Variants in UBE2D2 observed in about 807,000 individuals in gnomAD.
UBE2D2 encodes ubiquitin-conjugating enzyme E2 D2.
A neutral mutation model predicts 24.2 loss-of-function variants in UBE2D2; 2 were observed. The observed-to-expected ratio is 0.08, with a 90% CI of 0.03 to 0.26. The LOEUF (loss-of-function observed/expected upper bound fraction) is 0.26. Ranked by LOEUF, UBE2D2 falls within the 10% of genes least tolerant of loss-of-function variation. The probability of loss-of-function intolerance (pLI) is 1.00; values close to 1 mark genes in which losing one functional copy is unlikely to be tolerated. For synonymous variants in UBE2D2, 58 were observed against 56.5 expected, an observed-to-expected ratio of 1.03 and a Z score of -0.12; for missense variants, 44 against 177.6, an observed-to-expected ratio of 0.25 and a Z score of 4.28.
chr5:139,593,089 G>A (rs755784285), intron 1 of UBE2D2, among the ~76,000 whole-genome samples: 17 of 145,540 alleles, frequency 1.2e-4, no homozygotes, highest in Non-Finnish European at 2.1e-4. Context: ...TCCGCCTCCC[G>A]GGTTCAAGTA....
intron 5 of UBE2D2, among the ~76,000 whole-genome samples, chr5:139,619,254 G>A (rs959862145): frequency 2.0e-5 from 3 of 151,994 alleles, no homozygotes; most frequent in South Asian, 2.1e-4. Context: ...AAATTAGCAG[G>A]GCAGGGTGGT....
In UBE2D2 at chr5:139,561,726, G is replaced by A; in HGVS notation, c.-66G>A. 2 of 1,300,518 alleles carry A rather than the reference G, an allele frequency of 1.5e-6. No homozygotes were observed. Among genetic ancestry groups the A allele is most frequent in the Non-Finnish European group, 2.1e-6 (2 of 970,218 alleles). 80.6% of individuals were successfully genotyped at this position (1,300,518 alleles called of 1,614,324 possible). ...CGCCGAGGCGGCCTCAGGCTCCCTA[G>A]CCCCTTCCCCGTCCCTTCCCCGCCC... is the stretch of plus-strand genomic sequence containing the variant. On this transcript the variant is annotated 5_prime_UTR_variant, in exon 1 of 7. Coordinates refer to ENST00000398733, the MANE Select transcript of UBE2D2 (RefSeq NM_003339.3).
At chr5:139,529,898 TG>T (rs1407802291) in intron 1 of UBE2D2, among the ~76,000 whole-genome samples, 1 of 152,186 alleles carries the variant, frequency 6.6e-6, no homozygotes, top group Non-Finnish European at 1.5e-5. Context: ...ATGTTATGTC[TG>T]TGGAGGAACT....
chr5:139,613,836 G>A (rs1004290587), intron 2 of UBE2D2, among the ~76,000 whole-genome samples: 6 of 152,090 alleles, frequency 3.9e-5, no homozygotes, highest in African/African-American at 1.2e-4. Context: ...AGGCTGAGGT[G>A]GGTGGATCAT....
At chr5:139,548,193 A>AAATAAATAAATAAATAAAT (rs1752862660) in intron 1 of UBE2D2, among the ~76,000 whole-genome samples, 5 of 47,100 alleles carry the variant, frequency 1.1e-4, no homozygotes, top group East Asian at 6.6e-4. Context: ...ATAAAAAAAA[A>AAATAAATAAATAAATAAAT]AAATAAATAA....
chr5:139,595,858 T>A (rs1483429388), intron 1 of UBE2D2, among the ~76,000 whole-genome samples: 1 of 151,182 alleles, frequency 6.6e-6, no homozygotes, highest in Non-Finnish European at 1.5e-5. Flanking sequence ...ATTTATTAAC[T>A]AGTTTCTTGT....
At chr5:139,601,305 A>C (rs1388155722) in intron 2 of UBE2D2, among the ~76,000 whole-genome samples, 1 of 152,184 alleles carries the variant, frequency 6.6e-6, no homozygotes, top group Non-Finnish European at 1.5e-5. Flanking sequence ...ACTAATTCAC[A>C]AAAAACTGTA....
intron 1 of UBE2D2, among the ~76,000 whole-genome samples, chr5:139,587,709 G>A (rs1204152473): frequency 1.3e-5 from 2 of 150,188 alleles, no homozygotes; most frequent in Admixed American, 6.7e-5. Context: ...CCAGAAGAGT[G>A]CGGTTGCAAG....
upstream of UBE2D2, among the ~76,000 whole-genome samples, chr5:139,557,009 A>AT (rs1285163472): frequency 2.3e-4 from 34 of 146,258 alleles, no homozygotes; most frequent in East Asian, 6.8e-3. Flanking sequence ...TAATTTTTGT[A>AT]TTTTTAGTAG....
intron 1 of UBE2D2, among the ~76,000 whole-genome samples, chr5:139,572,096 C>G (rs999283989): frequency 6.6e-6 from 1 of 152,146 alleles, no homozygotes; most frequent in Non-Finnish European, 1.5e-5. Context: ...CTAATGATTA[C>G]TTAATTGCCA....
Position 139,588,664 on chromosome 5 carries a change from A to G in UBE2D2, c.25-11708A>G, listed in dbSNP as rs148620869. 2.2e-3 allele frequency among the ~76,000 whole-genome samples: 340 copies of G among 152,360 alleles called. 2 individuals are homozygous for G. Among genetic ancestry groups the G allele is most frequent in the African/African-American group, 7.7e-3 (320 of 41,590 alleles). ...GAAAAATCTTTTTTACCTAGAGAAAATATTGTAATCCAAAAATTAAGTATT... is the reference window on the plus strand; with the variant it reads ...GAAAAATCTTTTTTACCTAGAGAAAGTATTGTAATCCAAAAATTAAGTATT... On this transcript the variant is annotated intron_variant, in intron 1 of 6. Transcript: ENST00000398733.
chr5:139,545,534 C>G (rs1554075864), intron 1 of UBE2D2, among the ~76,000 whole-genome samples: 1 of 151,246 alleles, frequency 6.6e-6, no homozygotes, highest in Non-Finnish European at 1.5e-5. Context: ...TCAAGTAGTT[C>G]TCTGCCTCAG....
At chr5:139,553,475 ACCTTTG>A (rs1752945890) in intron 1 of UBE2D2, among the ~76,000 whole-genome samples, 1 of 152,124 alleles carries the variant, frequency 6.6e-6, no homozygotes. Flanking sequence ...CTGTGGGAAC[ACCTTTG>A]CCAAGGGAAA....
rs369766968 is a variant in UBE2D2 at position 139,527,828 on chromosome 5, T to C, written c.-64+1216T>C. Among the ~76,000 whole-genome samples, 35 of 152,382 alleles carry C rather than the reference T, an allele frequency of 2.3e-4. 2 individuals carry two copies. In the South Asian group the frequency reaches 6.8e-3, roughly 30 times the overall value. On this transcript the variant is annotated intron_variant, in intron 1 of 6. Coordinates refer to the UBE2D2 transcript ENST00000511725. ...GCCTCCTGTGTACTATTAAGACAGA[T>C]GCAAATTCCTGGTTGAAATGGATCA...
rs1040073316 is a variant in UBE2D2 at position 139,626,966 on chromosome 5, C to A, written c.*165C>A. The A allele has an allele frequency of 2.9e-5, 17 of 586,790 alleles. No homozygotes were observed. The African/African-American group carries it at 3.0e-4, about 10-fold the overall frequency. The allele number at this position is 586,790 out of a possible 1,614,324, so 36.3% of individuals were successfully genotyped here. Reference sequence around the variant, plus strand: ...TGCTGCGTGTTGTACATACTTGGAACAACAAACTAGAAATACTGTACTTCT... The same window carrying A: ...TGCTGCGTGTTGTACATACTTGGAAAAACAAACTAGAAATACTGTACTTCT... On this transcript the variant is annotated 3_prime_UTR_variant, in exon 7 of 7. Transcript: ENST00000398733.
At chr5:139,548,166 AAAAAAAAAAAAAAAAAAT>A (rs1752857598) in intron 1 of UBE2D2, among the ~76,000 whole-genome samples, 1 of 35,990 alleles carries the variant, frequency 2.8e-5, no homozygotes, top group African/African-American at 3.1e-4. Flanking sequence ...TCCGTCTCAA[AAAAAAAAAAAAAAAAAAT>A]AAAAAAAAAA....
upstream of UBE2D2, among the ~76,000 whole-genome samples, chr5:139,557,497 C>T (rs1350309074): frequency 6.6e-6 from 1 of 152,106 alleles, no homozygotes; most frequent in Non-Finnish European, 1.5e-5. Context: ...CCTGCAATCC[C>T]AGCAGTTTGG....
At chr5:139,557,021 G>A (rs541266277), upstream of UBE2D2, among the ~76,000 whole-genome samples, 159 of 151,728 alleles carry the variant, frequency 1.0e-3, no homozygotes, top group Middle Eastern at 0.01. Context: ...TTTTAGTAGA[G>A]ACGGGGTTTC....
At chr5:139,622,513 G>A (rs1030924647) in intron 5 of UBE2D2, among the ~76,000 whole-genome samples, 2 of 150,888 alleles carry the variant, frequency 1.3e-5, no homozygotes, top group African/African-American at 4.9e-5. Flanking sequence ...AAAGTGCTGG[G>A]ATTACAGGCA....
Sources: gnomAD v4.1 joint callset for allele counts (sites outside exome capture counted in the v4.1 genomes callset) on GRCh38, gnomAD v4.1.1 for gene constraint, MANE v1.5 for transcripts, NCBI Gene and HGNC (gene_info 2026-07-23, HGNC 2026-07-21) for gene names.